Variants in SCML4 observed in about 807,000 individuals in gnomAD.
SCML4 encodes the protein sex comb on midleg-like protein 4.
Under a neutral mutation model 41.1 loss-of-function variants are expected in SCML4, and 34 were observed. The ratio of observed to expected loss-of-function variants is 0.83; its 90% CI spans 0.63 to 1.10. The LOEUF is 1.10. Ranked by LOEUF, SCML4 falls within the 50% of genes least tolerant of loss-of-function variation. The probability of loss-of-function intolerance (pLI) is 0.00; values close to 1 mark genes in which losing one functional copy is unlikely to be tolerated. For missense variants in SCML4, 522 were observed against 534.1 expected, an observed-to-expected ratio of 0.98 and a Z score of 0.22; for synonymous variants, 214 against 220.9, an observed-to-expected ratio of 0.97 and a Z score of 0.28.
the SCML4 span, among the ~76,000 whole-genome samples, chr6:107,829,566 T>C: frequency 6.6e-6 from 1 of 152,088 alleles, no homozygotes; most frequent in African/African-American, 2.4e-5. Context: ...AGGGGGAACA[T>C]CACACACCAG....
intron 3 of SCML4, among the ~76,000 whole-genome samples, chr6:107,749,077 G>A (rs1357787639): frequency 6.6e-6 from 1 of 152,098 alleles, no homozygotes; most frequent in East Asian, 1.9e-4. Context: ...TAAATGGGAT[G>A]GGAGAGGGGC....
chr6:107,714,119 G>C (rs1444168046), intron 6 of SCML4, among the ~76,000 whole-genome samples: 1 of 152,160 alleles, frequency 6.6e-6, no homozygotes, highest in African/African-American at 2.4e-5. Flanking sequence ...TGAGAGGGAA[G>C]AGAGCCCACT....
At chr6:107,807,594 C>G (rs1302287753) in intron 1 of SCML4, among the ~76,000 whole-genome samples, 3 of 152,238 alleles carry the variant, frequency 2.0e-5, no homozygotes, top group Non-Finnish European at 4.4e-5. Context: ...TAACAAAACG[C>G]TGGGTCAGCC....
At chr6:107,758,059 A>AAAATC (rs1248816046) in intron 2 of SCML4, among the ~76,000 whole-genome samples, 1 of 152,218 alleles carries the variant, frequency 6.6e-6, no homozygotes, top group Non-Finnish European at 1.5e-5. Flanking sequence ...AAAAGGAAAA[A>AAAATC]AAATCATTCA....
chr6:107,835,763 C>CAAAAAA, the SCML4 span, among the ~76,000 whole-genome samples: 2 of 86,294 alleles, frequency 2.3e-5, no homozygotes, highest in African/African-American at 4.8e-5. Flanking sequence ...GACCCCATCT[C>CAAAAAA]AAAAAAAAAA....
Position 107,702,280 on chromosome 6 carries a change from C to T in SCML4, c.*2920G>A, listed in dbSNP as rs185779048. Among the ~76,000 whole-genome samples, 160 of 152,256 alleles carry T rather than the reference C, an allele frequency of 1.1e-3. 1 individual carries two copies. The highest frequency in any genetic ancestry group is 2.1e-4 in the Non-Finnish European group (14 of 68,024). ...AATGCAAAATGAGATAGCACCTCCGCGAGAGAAGTTCCACGTGAACATGGA... is the reference window on the plus strand; with the variant it reads ...AATGCAAAATGAGATAGCACCTCCGTGAGAGAAGTTCCACGTGAACATGGA... On this transcript the variant is annotated 3_prime_UTR_variant, in exon 8 of 8. Transcript: ENST00000369020.
the SCML4 span, among the ~76,000 whole-genome samples, chr6:107,839,405 G>GAAAGAA: frequency 4.9e-5 from 7 of 141,958 alleles, no homozygotes; most frequent in African/African-American, 2.0e-4. Context: ...AAGAAAGAAA[G>GAAAGAA]AAAGAGGAAG....
At chr6:107,760,969 T>A (rs1300939160) in intron 2 of SCML4, among the ~76,000 whole-genome samples, 1 of 152,026 alleles carries the variant, frequency 6.6e-6, no homozygotes, top group African/African-American at 2.4e-5. Flanking sequence ...AAGAAGTAAA[T>A]GGATAGACTT....
chr6:107,740,257 C>A (rs577278773), intron 5 of SCML4: 1 of 429,618 alleles, frequency 2.3e-6, no homozygotes, highest in Middle Eastern at 3.4e-4. Context: ...GACCACCATG[C>A]GGGTCTTGTA....
intron 2 of SCML4, among the ~76,000 whole-genome samples, chr6:107,765,432 G>A (rs1050917349): frequency 1.3e-5 from 2 of 152,190 alleles, no homozygotes; most frequent in South Asian, 2.1e-4. Context: ...TAAAAATTAT[G>A]AGGCAGAGGT....
chr6:107,723,932 C>T (rs749264879), intron 5 of SCML4, among the ~76,000 whole-genome samples: 3 of 151,922 alleles, frequency 2.0e-5, no homozygotes, highest in Non-Finnish European at 4.4e-5. Flanking sequence ...AAAACTGAAC[C>T]CGGCAACATA....
chr6:107,790,307 G>A (rs1782222292), intron 1 of SCML4, among the ~76,000 whole-genome samples: 1 of 152,194 alleles, frequency 6.6e-6, no homozygotes, highest in South Asian at 2.1e-4. Context: ...TGCATACAGT[G>A]AATCCTCCGC....
intron 7 of SCML4, among the ~76,000 whole-genome samples, chr6:107,705,955 G>A (rs1773576555): frequency 1.3e-5 from 2 of 152,178 alleles, no homozygotes; most frequent in South Asian, 4.1e-4. Context: ...ATTGAAAATG[G>A]TCACCCTCCA....
chr6:107,727,438 C>T (rs943151879), intron 5 of SCML4, among the ~76,000 whole-genome samples: 1 of 151,990 alleles, frequency 6.6e-6, no homozygotes, highest in Non-Finnish European at 1.5e-5. Context: ...TTTTAAAAGG[C>T]GTTTGCAGAA....
At chr6:107,741,011 C>A (rs965619925) in intron 5 of SCML4, among the ~76,000 whole-genome samples, 1 of 152,144 alleles carries the variant, frequency 6.6e-6, no homozygotes, top group Admixed American at 6.5e-5. Flanking sequence ...TTCTTTATTG[C>A]TGCAGGCAAC....
intron 5 of SCML4, among the ~76,000 whole-genome samples, chr6:107,732,840 A>T (rs1776701451): frequency 6.6e-6 from 1 of 152,126 alleles, no homozygotes; most frequent in African/African-American, 2.4e-5. Context: ...AACCTTGGGG[A>T]AATTAAAAGT....
intron 2 of SCML4, among the ~76,000 whole-genome samples, chr6:107,768,922 T>C (rs1347968219): frequency 6.6e-6 from 1 of 152,142 alleles, no homozygotes; most frequent in Non-Finnish European, 1.5e-5. Flanking sequence ...GAATGGAAAC[T>C]AGGATTTGTT....
intron 1 of SCML4, among the ~76,000 whole-genome samples, chr6:107,781,197 T>C (rs1227236457): frequency 2.6e-5 from 4 of 151,648 alleles, no homozygotes; most frequent in Admixed American, 6.6e-5. Flanking sequence ...CTACAAAAAA[T>C]ACAAAAATTA....
chr6:107,709,477 C>T (rs896647098), intron 6 of SCML4, among the ~76,000 whole-genome samples: 1 of 152,222 alleles, frequency 6.6e-6, no homozygotes, highest in Non-Finnish European at 1.5e-5. Context: ...CTACCTTCCC[C>T]ACATCCCTGC....
Sources: allele counts gnomAD v4.1 joint callset (sites outside exome capture counted in the v4.1 genomes callset), GRCh38; gene constraint gnomAD v4.1.1; transcripts MANE v1.5; gene names NCBI Gene and HGNC (gene_info 2026-07-23, HGNC 2026-07-21).